Variants in NAALADL2 observed in about 807,000 individuals in gnomAD.
NAALADL2 encodes inactive N-acetylated-alpha-linked acidic dipeptidase-like protein 2.
A neutral mutation model predicts 87.2 loss-of-function variants in NAALADL2; 76 were observed. The ratio of observed to expected loss-of-function variants is 0.87; its 90% CI spans 0.72 to 1.05. The LOEUF (loss-of-function observed/expected upper bound fraction) is 1.05. Among genes scored for constraint, NAALADL2 ranks in the 50% least tolerant of loss-of-function variants. NAALADL2 has a pLI of 0.00. For synonymous variants in NAALADL2, 354 were observed against 331.0 expected, an observed-to-expected ratio of 1.07 and a Z score of -0.75; for missense variants, 1,089 against 945.8, an observed-to-expected ratio of 1.15 and a Z score of -1.99.
At chr3:174,937,617 A>T (rs925289359) in intron 1 of NAALADL2, among the ~76,000 whole-genome samples, 40 of 152,034 alleles carry the variant, frequency 2.6e-4, no homozygotes, top group African/African-American at 8.4e-4. Flanking sequence ...TAAAGAGCCT[A>T]AAAAAAATTG....
At chr3:175,721,079 AAGAG>A (rs1466931585) in intron 11 of NAALADL2, among the ~76,000 whole-genome samples, 1 of 152,118 alleles carries the variant, frequency 6.6e-6, no homozygotes, top group Non-Finnish European at 1.5e-5. Context: ...CAGACAATGT[AAGAG>A]AGAAAAAGAA....
chr3:174,861,608 G>A (rs563947534), intron 1 of NAALADL2, among the ~76,000 whole-genome samples: 4 of 152,104 alleles, frequency 2.6e-5, no homozygotes, highest in East Asian at 1.9e-4. Context: ...GATGACTTAC[G>A]TGTTTTGACT....
At chr3:174,962,725 CA>C (rs1370936550) in intron 1 of NAALADL2, among the ~76,000 whole-genome samples, 2 of 151,892 alleles carry the variant, frequency 1.3e-5, no homozygotes, top group Non-Finnish European at 2.9e-5. Context: ...GCTCAATAGT[CA>C]AAAGTGAAAT....
At position 175,306,440 on chromosome 3, in the gene NAALADL2, C is replaced by T. The variant is rs186943393; in HGVS notation, c.940-17735C>T. ...CAGGTGGACATTCCTCCTACACAAA[C>T]TCTTATCTTCTGAAAAAGAATCCAT... On this transcript the variant is annotated intron_variant, in intron 4 of 13. Coordinates refer to ENST00000454872, the MANE Select transcript of NAALADL2 (RefSeq NM_207015.3). Among the ~76,000 whole-genome samples, 14 of 152,290 alleles carry T rather than the reference C, an allele frequency of 9.2e-5. No homozygotes were observed. The East Asian group carries it at 2.7e-3, about 29-fold the overall frequency.
chr3:174,788,497 G>A (rs1278150864), intron 3 of NAALADL2, among the ~76,000 whole-genome samples: 1 of 152,160 alleles, frequency 6.6e-6, no homozygotes, highest in Non-Finnish European at 1.5e-5. Context: ...TTGGCTTGCA[G>A]ATGGCTGCCT....
intron 1 of NAALADL2, among the ~76,000 whole-genome samples, chr3:174,885,999 C>T (rs1458638475): frequency 1.4e-5 from 2 of 142,518 alleles, no homozygotes; most frequent in African/African-American, 5.1e-5. Flanking sequence ...CTGCAAGCTC[C>T]GCCTCCTGGG....
intron 2 of NAALADL2, among the ~76,000 whole-genome samples, chr3:174,688,937 A>C (rs971129663): frequency 6.6e-6 from 1 of 152,038 alleles, no homozygotes; most frequent in Non-Finnish European, 1.5e-5. Flanking sequence ...TAGCTGTTCA[A>C]TTTTGGTCAA....
intron 3 of NAALADL2, among the ~76,000 whole-genome samples, chr3:175,247,507 G>C (rs1387529076): frequency 6.6e-6 from 1 of 152,138 alleles, no homozygotes; most frequent in African/African-American, 2.4e-5. Context: ...ATCCGGGAAA[G>C]AGGGTGTATT....
chr3:175,394,739 G>A (rs1033829231), intron 5 of NAALADL2, among the ~76,000 whole-genome samples: 7 of 152,176 alleles, frequency 4.6e-5, no homozygotes, highest in African/African-American at 1.4e-4. Context: ...ATTACTGAAC[G>A]CCATTACAGT....
chr3:175,089,234 A>G (rs964483321), intron 1 of NAALADL2, among the ~76,000 whole-genome samples: 2 of 152,170 alleles, frequency 1.3e-5, no homozygotes, highest in African/African-American at 4.8e-5. Context: ...GAGGATCCAC[A>G]TAGGACCATT....
intron 13 of NAALADL2, chr3:175,773,228 T>C (rs141292430): frequency 6.6e-6 from 1 of 152,292 alleles, no homozygotes; most frequent in Non-Finnish European, 1.5e-5. Flanking sequence ...AGTTATATAT[T>C]CTTTTATAAT....
At chr3:175,117,141 C>A (rs1409240106) in intron 2 of NAALADL2, among the ~76,000 whole-genome samples, 1 of 152,052 alleles carries the variant, frequency 6.6e-6, no homozygotes, top group Non-Finnish European at 1.5e-5. Flanking sequence ...AAATATTAGA[C>A]CTAAAACCAT....
intron 3 of NAALADL2, among the ~76,000 whole-genome samples, chr3:175,255,034 G>A (rs1328564855): frequency 1.3e-5 from 2 of 152,162 alleles, no homozygotes; most frequent in Non-Finnish European, 2.9e-5. Flanking sequence ...TCTTCACCAA[G>A]GAATTTCCCT....
intron 13 of NAALADL2, among the ~76,000 whole-genome samples, chr3:175,757,242 T>C (rs984890999): frequency 6.6e-6 from 1 of 152,040 alleles, no homozygotes; most frequent in African/African-American, 2.4e-5. Flanking sequence ...ATGTATGGTA[T>C]AGAAATCTTA....
chr3:175,286,302 G>A (rs1417025728), intron 4 of NAALADL2, among the ~76,000 whole-genome samples: 2 of 152,128 alleles, frequency 1.3e-5, no homozygotes, highest in Admixed American at 6.5e-5. Context: ...AGGAGGAGGA[G>A]GAGGCTGGCA....
At chr3:174,919,004 A>G (rs1734784216) in intron 1 of NAALADL2, among the ~76,000 whole-genome samples, 1 of 152,122 alleles carries the variant, frequency 6.6e-6, no homozygotes, top group African/African-American at 2.4e-5. Context: ...TATGATTACA[A>G]TCTACTACAG....
intron 2 of NAALADL2, among the ~76,000 whole-genome samples, chr3:175,189,723 A>G (rs28817273): frequency 0.029 from 4,482 of 152,270 alleles, 206 homozygotes; most frequent in African/African-American, 0.1. Flanking sequence ...ACAGCCTCGA[A>G]TTCACGTGGA....
At chr3:175,541,440 T>G (rs1712317347) in intron 9 of NAALADL2, among the ~76,000 whole-genome samples, 1 of 152,182 alleles carries the variant, frequency 6.6e-6, no homozygotes, top group Non-Finnish European at 1.5e-5. Context: ...GGCAAAAGCA[T>G]CTAACACAAA....
At chr3:175,134,481 G>A (rs904723539) in intron 2 of NAALADL2, among the ~76,000 whole-genome samples, 3 of 152,132 alleles carry the variant, frequency 2.0e-5, no homozygotes, top group Non-Finnish European at 4.4e-5. Flanking sequence ...ATGGAAAACA[G>A]CTGCAATGTA....
Sources: gnomAD v4.1 joint callset for allele counts (sites outside exome capture counted in the v4.1 genomes callset) on GRCh38, gnomAD v4.1.1 for gene constraint, MANE v1.5 for transcripts, NCBI Gene and HGNC (gene_info 2026-07-23, HGNC 2026-07-21) for gene names.